Variants in RASSF5 observed in about 807,000 individuals in gnomAD.
The protein encoded by RASSF5 is Ras association domain family member 5, also known as ras association domain-containing protein 5.
RASSF5 carries 25 observed loss-of-function variants against 40.5 expected under a neutral mutation model. That is an observed-to-expected ratio of 0.62 (90% confidence interval 0.45 to 0.86). The LOEUF is 0.86. Ranked by LOEUF, RASSF5 falls within the 40% of genes least tolerant of loss-of-function variation. The pLI, the probability that RASSF5 is intolerant of heterozygous loss-of-function variation, is 0.00. For synonymous variants in RASSF5, 246 were observed against 252.4 expected (o/e 0.97, Z 0.24); for missense variants, 521 against 572.8 (o/e 0.91, Z 0.92).
At chr1:206,515,695 C>G (rs782578172) in intron 1 of RASSF5, among the ~76,000 whole-genome samples, 1 of 152,210 alleles carries the variant, frequency 6.6e-6, no homozygotes, top group African/African-American at 2.4e-5. Context: ...CCTCCCACCC[C>G]CAAGCCAGCT....
intron 2 of RASSF5, among the ~76,000 whole-genome samples, chr1:206,570,920 G>T (rs1668430609): frequency 6.6e-6 from 1 of 152,138 alleles, no homozygotes. Context: ...TGATATTTGA[G>T]TCCTTGCTCT....
intron 2 of RASSF5, among the ~76,000 whole-genome samples, chr1:206,551,912 G>A (rs1172557113): frequency 1.3e-5 from 2 of 152,232 alleles, no homozygotes; most frequent in South Asian, 2.1e-4. Flanking sequence ...CCAGAGAGGG[G>A]CACATCAGGG....
At chr1:206,558,804 A>G (rs1488360291) in intron 2 of RASSF5, among the ~76,000 whole-genome samples, 1 of 152,164 alleles carries the variant, frequency 6.6e-6, no homozygotes. Flanking sequence ...CCTGTTTTCC[A>G]GGGCACCACT....
At chr1:206,548,441 G>A (rs1667751333) in intron 2 of RASSF5, among the ~76,000 whole-genome samples, 2 of 152,120 alleles carry the variant, frequency 1.3e-5, no homozygotes, top group Non-Finnish European at 2.9e-5. Flanking sequence ...TCACATGAAG[G>A]AACAATACGA....
At chr1:206,565,892 G>A (rs937499843) in intron 2 of RASSF5, among the ~76,000 whole-genome samples, 1 of 152,208 alleles carries the variant, frequency 6.6e-6, no homozygotes. Flanking sequence ...CCTGGAGCTG[G>A]AGGAGATGGT....
At chr1:206,551,942 A>G (rs999736412) in intron 2 of RASSF5, among the ~76,000 whole-genome samples, 1 of 152,248 alleles carries the variant, frequency 6.6e-6, no homozygotes, top group African/African-American at 2.4e-5. Flanking sequence ...TTGATCAGAA[A>G]TAGCTTTTGT....
intron 1 of RASSF5, among the ~76,000 whole-genome samples, chr1:206,537,940 C>A (rs1667458499): frequency 6.6e-5 from 10 of 152,044 alleles, no homozygotes; most frequent in Admixed American, 6.5e-4. Flanking sequence ...CAGAGTCACA[C>A]AAAGTAATGC....
intron 1 of RASSF5, among the ~76,000 whole-genome samples, chr1:206,519,023 G>A (rs1192019601): frequency 7.2e-5 from 11 of 152,190 alleles, no homozygotes; most frequent in Non-Finnish European, 1.6e-4. Flanking sequence ...GGTGCAGGCT[G>A]CATGGGGCTG....
chr1:206,570,051 G>C (rs986573593), intron 2 of RASSF5, among the ~76,000 whole-genome samples: 1 of 146,316 alleles, frequency 6.8e-6, no homozygotes, highest in Non-Finnish European at 1.5e-5. Flanking sequence ...TTTTATTGTG[G>C]TAAAATACAC....
intron 2 of RASSF5, among the ~76,000 whole-genome samples, chr1:206,549,620 A>G (rs1667782308): frequency 6.6e-6 from 1 of 152,212 alleles, no homozygotes; most frequent in African/African-American, 2.4e-5. Flanking sequence ...CCCTGTGGAA[A>G]TATTCCTGAG....
Position 206,507,669 on chromosome 1 carries a change from C to G in RASSF5, c.67C>G (p.Arg23Gly), listed in dbSNP as rs1553393948. The change falls in exon 1 of 6, where the codon CGC (arginine) becomes GGC (glycine). Residue 23 changes from arginine (R) to glycine (G), a missense_variant. By Grantham distance (125) the Arg-to-Gly change is moderately radical. Around this residue, in one of 2 missense-constraint regions of RASSF5, gnomAD observed 237 missense variants for 212.0 expected, o/e 1.12. Transcript: ENST00000579436. ...GCTACTATTGGACCCCGAGCCGCCG[C>G]GCTATCTACAGAGCCTGAGCGGCCC... is the stretch of plus-strand genomic sequence containing the variant. ...YPLLLDPEPP[R>G]YLQSLSGPEL... The G allele has an allele frequency of 3.3e-6, 5 of 1,526,040 alleles. No individual in the cohort carries two copies. Among genetic ancestry groups the G allele is most frequent in the Non-Finnish European group, 2.6e-6 (3 of 1,142,938 alleles). The allele number at this position is 1,526,040 out of a possible 1,614,324, so 94.5% of individuals were successfully genotyped here. A position where few individuals can be genotyped will look rare whatever the true frequency, so the allele number is the denominator to read the frequency against.
chr1:206,554,202 C>G (rs1226372673), intron 2 of RASSF5, among the ~76,000 whole-genome samples: 1 of 152,208 alleles, frequency 6.6e-6, no homozygotes, highest in Non-Finnish European at 1.5e-5. Flanking sequence ...CTGATCTCCA[C>G]TGCTGCTACC....
chr1:206,555,934 G>C (rs1667973101), intron 2 of RASSF5, among the ~76,000 whole-genome samples: 1 of 152,300 alleles, frequency 6.6e-6, no homozygotes, highest in Admixed American at 6.5e-5. Flanking sequence ...GGTGTCCGGG[G>C]GGCTGAGTCT....
At chr1:206,522,295 G>A (rs1226823931) in intron 1 of RASSF5, among the ~76,000 whole-genome samples, 1 of 152,152 alleles carries the variant, frequency 6.6e-6, no homozygotes, top group Middle Eastern at 3.2e-3. Context: ...TGTGGAAAGA[G>A]GGGAGACGGA....
chr1:206,539,977 C>T (rs1667504146), intron 2 of RASSF5, among the ~76,000 whole-genome samples: 1 of 152,178 alleles, frequency 6.6e-6, no homozygotes, highest in Non-Finnish European at 1.5e-5. Context: ...CTTCCTGGGT[C>T]TCCTCTTTGT....
chr1:206,574,920 C>T (rs902475696), intron 2 of RASSF5, among the ~76,000 whole-genome samples: 2 of 138,134 alleles, frequency 1.4e-5, no homozygotes, highest in Non-Finnish European at 1.5e-5. Context: ...AGTGCAGTGG[C>T]GCAATCTTGG....
At chr1:206,517,806 C>T (rs945686214) in intron 1 of RASSF5, among the ~76,000 whole-genome samples, 20 of 152,316 alleles carry the variant, frequency 1.3e-4, no homozygotes, top group Non-Finnish European at 1.9e-4. Flanking sequence ...GGGTCACATC[C>T]GCTTCTGCTC....
At chr1:206,583,768 T>C (rs1668989127) in intron 3 of RASSF5, 2 of 209,794 alleles carry the variant, frequency 9.5e-6, no homozygotes, top group South Asian at 1.3e-4. Context: ...GGACATACTC[T>C]CTCAGAGAGG....
At chr1:206,585,824 C>T (rs1669090245) in intron 5 of RASSF5, 1 of 153,016 alleles carries the variant, frequency 6.5e-6, no homozygotes, top group Non-Finnish European at 1.5e-5. Flanking sequence ...GTGTTTGTCA[C>T]ACTGTGTTCA....
Sources: gnomAD v4.1 joint callset for allele counts (sites outside exome capture counted in the v4.1 genomes callset) on GRCh38, gnomAD v4.1.1 for gene constraint, gnomAD v4.1.1 regional missense constraint, MANE v1.5 for transcripts, NCBI Gene and HGNC (gene_info 2026-07-23, HGNC 2026-07-21) for gene names.